POLE4: variants seen among roughly 807,000 people sequenced by gnomAD.
POLE4 encodes DNA polymerase epsilon 4, accessory subunit.
A neutral mutation model predicts 15.6 loss-of-function variants in POLE4; 15 were observed. The ratio of observed to expected loss-of-function variants is 0.96; its 90% confidence interval spans 0.64 to 1.48. POLE4 has a LOEUF of 1.48. POLE4 is among the 40% of genes most tolerant of loss of function. The pLI is 0.00. For missense variants in POLE4, 205 were observed against 151.9 expected, an observed-to-expected ratio of 1.35 and a Z score of -1.84; for synonymous variants, 83 against 63.2, an observed-to-expected ratio of 1.31 and a Z score of -1.49.
intron 3 of POLE4, 200 bp downstream of exon 3, chr2:74,960,346 A>C (rs1218588630): frequency 3.4e-6 from 2 of 595,044 alleles, no homozygotes; most frequent in Non-Finnish European, 6.0e-6. Flanking sequence ...TTTCTACCTG[A>C]AAATTGCTAA....
Position 74,958,856 on chromosome 2 carries a change from G to T in POLE4, c.177G>T (p.Ala59=). 2 of 1,561,492 alleles carry T rather than the reference G, an allele frequency of 1.3e-6. No homozygotes were observed. The highest frequency in any genetic ancestry group is 1.7e-6 in the Non-Finnish European group (2 of 1,152,892). ...AGGCAGATCCCGACGTGACGCTAGC[G>T]GGACAGGAAGCCATCTTCATTCTGG... ...LVKADPDVTL[A]GQEAIFILAR... The change falls in exon 1 of 4, where the codon GCG becomes GCT. Residue 59 remains alanine, a synonymous_variant. Transcript: ENST00000483063.
intron 3 of POLE4, chr2:74,960,469 T>G (rs543431302): frequency 2.1e-6 from 1 of 467,850 alleles, no homozygotes; most frequent in East Asian, 4.9e-5. Flanking sequence ...CCCCTCATCA[T>G]GTTACAGATC....
chr2:74,958,911 G>C lies in POLE4; in HGVS notation c.213+19G>C, dbSNP rs560365686. On this transcript the variant is annotated intron_variant, in intron 1 of 3. Transcript: ENST00000483063. Reference sequence around the variant, plus strand: ...AGCCGCGGTGCGCCTGCAGCGCGAGGGCATGCGGGAGTGGGGGAGGTGGAG... The same window carrying C: ...AGCCGCGGTGCGCCTGCAGCGCGAGCGCATGCGGGAGTGGGGGAGGTGGAG... 6.5e-7 allele frequency: 1 copy of C among 1,549,624 alleles called. No individual in the cohort carries two copies. Among genetic ancestry groups the C allele is most frequent in the South Asian group, 1.2e-5 (1 of 84,044 alleles).
intron 1 of POLE4, 192 bp from the exon 2 acceptor site, chr2:74,959,149 G>A (rs1573425746): frequency 4.9e-6 from 3 of 613,000 alleles, no homozygotes; most frequent in Admixed American, 3.0e-5. Context: ...GGAGTCTTTA[G>A]TGAATGAGGG....
chr2:74,959,073 C>G, intron 1 of POLE4, 181 bp downstream of exon 1: 1 of 625,188 alleles, frequency 1.6e-6, no homozygotes, highest in Non-Finnish European at 2.8e-6. Context: ...ACTCCTCCCT[C>G]TTGTTGAGGA....
intron 2 of POLE4, 117 bp downstream of exon 2, chr2:74,959,542 G>C: frequency 1.5e-6 from 1 of 664,666 alleles, no homozygotes; most frequent in South Asian, 1.9e-5. Context: ...CTCTCCCCAG[G>C]ATGGTTTCTG....
intron 3 of POLE4, among the ~76,000 whole-genome samples, chr2:74,967,260 A>AT (rs1235286346): frequency 1.4e-5 from 2 of 146,540 alleles, no homozygotes; most frequent in Non-Finnish European, 3.0e-5. Flanking sequence ...ATTCTGTGTA[A>AT]TTTTTTCTGA....
intron 3 of POLE4, among the ~76,000 whole-genome samples, chr2:74,967,671 C>T (rs1671315775): frequency 6.6e-6 from 1 of 152,094 alleles, no homozygotes; most frequent in Non-Finnish European, 1.5e-5. Context: ...GGCCTTTTAT[C>T]CCCCTATATG....
At chr2:74,961,260 C>G (rs1042173972) in intron 3 of POLE4, 1 of 152,224 alleles carries the variant, frequency 6.6e-6, no homozygotes, top group African/African-American at 2.4e-5. Flanking sequence ...TTCTGCATCT[C>G]CCTGTCAACC....
chr2:74,964,228 A>G (rs1483107247), intron 3 of POLE4, among the ~76,000 whole-genome samples: 3 of 152,208 alleles, frequency 2.0e-5, no homozygotes, highest in Non-Finnish European at 4.4e-5. Context: ...TTCTCACATC[A>G]GTACTATACT....
chr2:74,959,505 ACT>A (rs1172841126), intron 2 of POLE4, 80 bp downstream of exon 2: 1 of 885,966 alleles, frequency 1.1e-6, no homozygotes, highest in East Asian at 2.5e-5. Context: ...AGAAGACGTC[ACT>A]CTGATCTGAG....
At chr2:74,967,082 G>T (rs1238947215) in intron 3 of POLE4, among the ~76,000 whole-genome samples, 4 of 152,050 alleles carry the variant, frequency 2.6e-5, no homozygotes, top group Non-Finnish European at 5.9e-5. Flanking sequence ...TATGTAGTTT[G>T]TTTGAGCTTC....
chr2:74,962,661 A>G (rs1671238533), intron 3 of POLE4, among the ~76,000 whole-genome samples: 1 of 152,196 alleles, frequency 6.6e-6, no homozygotes, highest in African/African-American at 2.4e-5. Flanking sequence ...AAGTCAATAA[A>G]TGATAAAATG....
chr2:74,960,734 T>C (rs1378291296), intron 3 of POLE4: 7 of 396,086 alleles, frequency 1.8e-5, no homozygotes, highest in East Asian at 1.4e-4. Flanking sequence ...ACTACACGTA[T>C]GTAGTCATGT....
intron 2 of POLE4, chr2:74,959,808 C>T (rs779950118): frequency 2.2e-6 from 1 of 463,526 alleles, no homozygotes; most frequent in Non-Finnish European, 3.8e-6. Flanking sequence ...TTGCCACGTT[C>T]TTCTCTGACA....
intron 3 of POLE4, chr2:74,961,478 G>A (rs1671219650): frequency 6.6e-6 from 1 of 152,108 alleles, no homozygotes; most frequent in African/African-American, 2.4e-5. Context: ...CTTTCTGTAA[G>A]TTCTGCAGTC....
chr2:74,967,712 A>T (rs1389153831), intron 3 of POLE4, among the ~76,000 whole-genome samples: 12 of 152,052 alleles, frequency 7.9e-5, no homozygotes, highest in Admixed American at 7.2e-4. Context: ...ATTTTCTTTA[A>T]AAAGTATTTG....
intron 3 of POLE4, among the ~76,000 whole-genome samples, chr2:74,967,382 C>T (rs943765438): frequency 6.7e-6 from 1 of 149,402 alleles, no homozygotes; most frequent in Non-Finnish European, 1.5e-5. Flanking sequence ...TGTTTGGTTC[C>T]TTTCCAAATC....
chr2:74,969,658 G>T lies in POLE4; in HGVS notation c.*236G>T. 1.8e-6 allele frequency: 1 copy of T among 569,646 alleles called. No individual in the cohort carries two copies. The highest frequency in any genetic ancestry group is 2.2e-5 in the South Asian group (1 of 46,330). The allele number at this position is 569,646 out of a possible 1,614,324, so 35.3% of individuals were successfully genotyped here. On this transcript the variant is annotated 3_prime_UTR_variant, in exon 4 of 4. Transcript: ENST00000483063. The stretch of plus-strand genomic sequence containing the variant: ...GATGCAGCTGCTGCTGCTTAGAGCA[G>T]AGATGAAGAAAGTGTTCTGCATAAG...
Sources: allele counts gnomAD v4.1 joint callset (sites outside exome capture counted in the v4.1 genomes callset), GRCh38; gene constraint gnomAD v4.1.1; transcripts MANE v1.5; gene names NCBI Gene and HGNC (gene_info 2026-07-23, HGNC 2026-07-21).